The following GPHN variants were observed in gnomAD, a reference collection of about 807,000 sequenced individuals.
The protein encoded by GPHN is gephyrin.
GPHN carries 17 observed loss-of-function variants against 95.5 expected under a neutral mutation model. The ratio of observed to expected loss-of-function variants is 0.18; its 90% CI spans 0.12 to 0.27. The LOEUF (loss-of-function observed/expected upper bound fraction) is 0.27, where lower values mean the gene tolerates loss of function less well. GPHN is among the 10% of genes least tolerant of loss of function. GPHN has a pLI of 1.00. For missense variants in GPHN, 660 were observed against 978.1 expected, an observed-to-expected ratio of 0.67 and a Z score of 4.34; for synonymous variants, 320 against 322.5, an observed-to-expected ratio of 0.99 and a Z score of 0.08.
intron 5 of GPHN, among the ~76,000 whole-genome samples, chr14:66,880,327 A>T (rs1017378384): frequency 4.0e-5 from 6 of 150,510 alleles, no homozygotes; most frequent in African/African-American, 1.5e-4. Context: ...TCTGTCAGCC[A>T]CAATTTTCCC....
At chr14:66,879,146 G>A (rs1242189046) in intron 4 of GPHN, among the ~76,000 whole-genome samples, 4 of 152,082 alleles carry the variant, frequency 2.6e-5, no homozygotes, top group Non-Finnish European at 5.9e-5. Flanking sequence ...TCATAAGTGG[G>A]ATTTGAACAA....
chr14:67,059,777 A>T (rs1044759601), intron 11 of GPHN, among the ~76,000 whole-genome samples: 2 of 152,196 alleles, frequency 1.3e-5, no homozygotes, highest in Admixed American at 1.3e-4. Flanking sequence ...GATTGTTATT[A>T]TACAGTTTGC....
chr14:67,415,508 G>T, the GPHN span, among the ~76,000 whole-genome samples: 1 of 152,142 alleles, frequency 6.6e-6, no homozygotes. Context: ...GTTAAAGGGT[G>T]TAAATTTTTA....
the GPHN span, among the ~76,000 whole-genome samples, chr14:67,324,880 C>T: frequency 4.6e-5 from 7 of 150,840 alleles, no homozygotes; most frequent in Admixed American, 6.6e-5. Flanking sequence ...TAAGCTACCA[C>T]GCCCAGCCTT....
At chr14:67,070,720 A>ATATATATATATATG (rs1183283173) in intron 11 of GPHN, among the ~76,000 whole-genome samples, 17 of 141,164 alleles carry the variant, frequency 1.2e-4, no homozygotes, top group African/African-American at 4.7e-4. Flanking sequence ...AAAAAAATAT[A>ATATATATATATATG]TATATATATC....
chr14:67,419,585 G>C, the GPHN span, among the ~76,000 whole-genome samples: 3 of 152,062 alleles, frequency 2.0e-5, no homozygotes, highest in Admixed American at 6.6e-5. Context: ...CATCCAGGCG[G>C]GGGGCGGTGG....
the GPHN span, among the ~76,000 whole-genome samples, chr14:67,694,513 T>C: frequency 8.8e-5 from 12 of 135,990 alleles, no homozygotes; most frequent in Non-Finnish European, 1.8e-4. Flanking sequence ...TATACACACA[T>C]ATATTTTTTT....
intron 9 of GPHN, among the ~76,000 whole-genome samples, chr14:66,975,981 C>T (rs752589744): frequency 2.0e-5 from 3 of 152,116 alleles, no homozygotes; most frequent in East Asian, 3.8e-4. Context: ...GCTTATAATT[C>T]TTTTCTTTTG....
chr14:66,850,242 A>G (rs1472694209), intron 4 of GPHN, among the ~76,000 whole-genome samples: 1 of 152,202 alleles, frequency 6.6e-6, no homozygotes, highest in Non-Finnish European at 1.5e-5. Context: ...TTTAAAAAAT[A>G]CCAAATATAA....
At chr14:67,458,449 C>G in the GPHN span, among the ~76,000 whole-genome samples, 1 of 152,174 alleles carries the variant, frequency 6.6e-6, no homozygotes, top group African/African-American at 2.4e-5. Context: ...AGATGTGGTC[C>G]CCAGCATCCC....
the GPHN span, chr14:67,301,923 GAAAT>G: frequency 1.3e-6 from 2 of 1,553,802 alleles, no homozygotes; most frequent in Non-Finnish European, 1.7e-6. Context: ...TCACTCTGCA[GAAAT>G]AAATCATGCT....
the GPHN span, chr14:67,200,455 T>G: frequency 2.3e-6 from 1 of 427,492 alleles, no homozygotes; most frequent in Non-Finnish European, 4.2e-6. Context: ...CCATTCCCCT[T>G]TTTAATGTAA....
chr14:67,553,702 A>G, the GPHN span, among the ~76,000 whole-genome samples: 8 of 152,342 alleles, frequency 5.3e-5, no homozygotes, highest in Non-Finnish European at 1.0e-4. Context: ...AACCACCCCT[A>G]TAAACATAAT....
intron 2 of GPHN, among the ~76,000 whole-genome samples, chr14:66,687,486 G>GTT (rs1200775448): frequency 0.011 from 1,399 of 124,902 alleles, 27 homozygotes; most frequent in Non-Finnish European, 0.016. Context: ...ATTTTATTTG[G>GTT]TTTTTTTTTT....
chr14:67,006,775 G>A (rs904200410), intron 9 of GPHN, among the ~76,000 whole-genome samples: 1 of 151,944 alleles, frequency 6.6e-6, no homozygotes, highest in Non-Finnish European at 1.5e-5. Flanking sequence ...TGGAAGAGTA[G>A]GAAAGAGAAA....
the GPHN span, among the ~76,000 whole-genome samples, chr14:67,584,713 T>C: frequency 5.9e-5 from 9 of 152,204 alleles, no homozygotes; most frequent in Non-Finnish European, 1.0e-4. Context: ...CCAGTGCTGG[T>C]TGTTTGAGGT....
chr14:67,397,682 G>A, the GPHN span: 1 of 1,612,410 alleles, frequency 6.2e-7, no homozygotes, highest in Non-Finnish European at 8.5e-7. Flanking sequence ...TCATACTCCA[G>A]GCAGGGGCAG....
chr14:67,497,992 T>TTC, the GPHN span, among the ~76,000 whole-genome samples: 171 of 152,164 alleles, frequency 1.1e-3, 1 homozygote, highest in Middle Eastern at 3.2e-3. Flanking sequence ...CTCTCTGACC[T>TTC]TCTCCCCACT....
At chr14:66,595,510 A>G (rs1566673153) in intron 1 of GPHN, among the ~76,000 whole-genome samples, 1 of 152,294 alleles carries the variant, frequency 6.6e-6, no homozygotes, top group South Asian at 2.1e-4. Context: ...TGAGCCAGGT[A>G]CGGAGTGGTG....
Sources: gnomAD v4.1 joint callset for allele counts (sites outside exome capture counted in the v4.1 genomes callset) on GRCh38, gnomAD v4.1.1 for gene constraint, MANE v1.5 for transcripts, NCBI Gene and HGNC (gene_info 2026-07-23, HGNC 2026-07-21) for gene names.